The following WWC2 variants were observed in gnomAD, a reference collection of about 807,000 sequenced individuals.
WWC2 encodes the protein WW and C2 domain containing 2.
Under a neutral mutation model 138.5 loss-of-function variants are expected in WWC2, and 101 were observed. That is an observed-to-expected ratio of 0.73 (90% CI 0.62 to 0.86). WWC2 has a LOEUF of 0.86. WWC2 is among the 40% of genes least tolerant of loss of function. WWC2 has a pLI of 0.00. For missense variants in WWC2, 1,420 were observed against 1,419.4 expected (o/e 1.00, Z -0.01); for synonymous variants, 558 against 538.4 (o/e 1.04, Z -0.50).
rs1467405415 is a variant in WWC2 at position 183,282,861 on chromosome 4, T to C, written c.2838T>C (p.Cys946=). ...ACGGGAACAGGAAAGAAAGCAACTG[T>C]GCCAAAGACCTCAGAAGTCAGCCAC... ...NEDGNRKESN[C]AKDLRSQPPT... is the part of the protein sequence containing the mutation. Residue 946 remains cysteine, a synonymous_variant, in exon 18 of 23, where the codon TGT becomes TGC. Coordinates refer to ENST00000403733, the MANE Select transcript of WWC2 (RefSeq NM_024949.6). The C allele has an allele frequency of 1.3e-6, 2 of 1,592,064 alleles. No individual in the cohort carries two copies. Among genetic ancestry groups the C allele is most frequent in the Non-Finnish European group, 8.6e-7 (1 of 1,168,832 alleles).
intron 6 of WWC2, among the ~76,000 whole-genome samples, chr4:183,246,665 A>G (rs1201747439): frequency 6.6e-6 from 1 of 152,232 alleles, no homozygotes; most frequent in Non-Finnish European, 1.5e-5. Flanking sequence ...CAGACGAGGA[A>G]ATTTCAGCAC....
Position 183,269,014 on chromosome 4 carries a change from T to A in WWC2, c.2251T>A (p.Cys751Ser), listed in dbSNP as rs1312725142. ...TCTTCCTTCCTCAACTGATGTCAGC[T>A]GTCTGTTTCGCACAAAAGTTCATCC... is the stretch of plus-strand genomic sequence containing the variant. ...AVLPSSTDVS[C>S]LFRTKVHPPT... is the part of the protein sequence containing the mutation. The change falls in exon 15 of 23, where the codon TGT (cysteine) becomes AGT (serine). Residue 751 changes from cysteine (C) to serine (S), a missense_variant. Physicochemically the swap from Cys to Ser is moderately radical, Grantham distance 112. Coordinates refer to ENST00000403733, the MANE Select transcript of WWC2 (RefSeq NM_024949.6). 3 of 1,613,812 alleles carry A rather than the reference T, an allele frequency of 1.9e-6. No homozygotes were observed. In the East Asian group the frequency reaches 6.7e-5, roughly 36 times the overall value.
At chr4:183,300,833 G>A (rs73006721) in intron 21 of WWC2, among the ~76,000 whole-genome samples, 14,332 of 151,990 alleles carry the variant, frequency 0.094, 767 homozygotes, top group South Asian at 0.17. Context: ...AACATCAGCA[G>A]CCATTACACT....
At chr4:183,295,471 C>A (rs1560891873) in intron 21 of WWC2, among the ~76,000 whole-genome samples, 1 of 152,212 alleles carries the variant, frequency 6.6e-6, no homozygotes, top group African/African-American at 2.4e-5. Context: ...CTGTCTGTGG[C>A]CTTAGCGTAG....
At chr4:183,157,725 T>C (rs1243360269) in intron 1 of WWC2, among the ~76,000 whole-genome samples, 2 of 152,024 alleles carry the variant, frequency 1.3e-5, no homozygotes, top group Admixed American at 6.6e-5. Flanking sequence ...ATGGTCTGGA[T>C]CTCCTGACCT....
intron 4 of WWC2, among the ~76,000 whole-genome samples, chr4:183,215,128 A>G (rs1735719775): frequency 6.6e-6 from 1 of 152,230 alleles, no homozygotes; most frequent in Non-Finnish European, 1.5e-5. Flanking sequence ...CTATACAGCC[A>G]TACCTGTGAT....
chr4:183,296,411 C>T (rs1198555082), intron 21 of WWC2, among the ~76,000 whole-genome samples: 1 of 152,166 alleles, frequency 6.6e-6, no homozygotes. Flanking sequence ...TTGAGAGAGC[C>T]AAGATCTCCT....
intron 1 of WWC2, among the ~76,000 whole-genome samples, chr4:183,182,808 A>G (rs1734674947): frequency 6.6e-6 from 1 of 152,244 alleles, no homozygotes; most frequent in South Asian, 2.1e-4. Context: ...TGTATCAACT[A>G]ACACCTTAAT....
chr4:183,135,440 A>G (rs1333067326), intron 1 of WWC2, among the ~76,000 whole-genome samples: 3 of 151,474 alleles, frequency 2.0e-5, no homozygotes, highest in Non-Finnish European at 2.9e-5. Flanking sequence ...TTCTGATTCT[A>G]TTAATAATTA....
rs370920656 is a variant in WWC2, at chr4:183,272,625, A to AC, written c.2562+1386dup. On this transcript the variant is annotated intron_variant, in intron 16 of 22. Transcript: ENST00000403733. Reference sequence around the variant, plus strand: ...CTCCCTAACCTCTTTCCCCAAGGCAACCACTAATCTCTACTACAAGGCAAC... The same window carrying AC: ...CTCCCTAACCTCTTTCCCCAAGGCAACCCACTAATCTCTACTACAAGGCAAC... 5.1e-3 allele frequency among the ~76,000 whole-genome samples: 784 copies of AC among 152,242 alleles called. 5 individuals carry two copies. The highest frequency in any genetic ancestry group is 0.018 in the African/African-American group (752 of 41,536).
At chr4:183,152,530 TAAAA>T (rs572757609) in intron 1 of WWC2, among the ~76,000 whole-genome samples, 2 of 126,254 alleles carry the variant, frequency 1.6e-5, no homozygotes, top group African/African-American at 3.0e-5. Context: ...AAGTGAAACT[TAAAA>T]AAAAAAAAAA....
chr4:183,293,665 A>G (rs1056922977), intron 21 of WWC2, among the ~76,000 whole-genome samples: 7 of 152,350 alleles, frequency 4.6e-5, no homozygotes, highest in East Asian at 3.8e-4. Flanking sequence ...TAAAGCTGCC[A>G]TTATCTACAG....
intron 21 of WWC2, among the ~76,000 whole-genome samples, chr4:183,302,517 C>T (rs977847560): frequency 1.3e-5 from 2 of 152,126 alleles, no homozygotes; most frequent in African/African-American, 2.4e-5. Flanking sequence ...ATGTCGACGT[C>T]GATCTCTCTC....
chr4:183,176,225 A>ATT (rs1734463872), intron 1 of WWC2, among the ~76,000 whole-genome samples: 1 of 152,174 alleles, frequency 6.6e-6, no homozygotes, highest in Non-Finnish European at 1.5e-5. Context: ...ATTCAATCGT[A>ATT]TGTTTAAATA....
At chr4:183,100,289 A>G (rs1192256077) in intron 1 of WWC2, among the ~76,000 whole-genome samples, 2 of 152,252 alleles carry the variant, frequency 1.3e-5, no homozygotes, top group East Asian at 3.8e-4. Context: ...TGTGTTTGGA[A>G]GGGAGATGTA....
chr4:183,178,640 C>T (rs1246638068), intron 1 of WWC2, among the ~76,000 whole-genome samples: 1 of 151,876 alleles, frequency 6.6e-6, no homozygotes, highest in Non-Finnish European at 1.5e-5. Flanking sequence ...GATACTTCCC[C>T]ACAAGCTATT....
chr4:183,309,477 T>C (rs10003798), intron 21 of WWC2, among the ~76,000 whole-genome samples: 41,129 of 152,100 alleles, frequency 0.27, 6,061 homozygotes, highest in Middle Eastern at 0.44. Context: ...TGAAAAGATA[T>C]TTAACATCGT....
chr4:183,136,335 G>A (rs558765427), intron 1 of WWC2, among the ~76,000 whole-genome samples: 5 of 151,994 alleles, frequency 3.3e-5, no homozygotes, highest in African/African-American at 4.8e-5. Context: ...CTTCAGTTGC[G>A]ACTTTCACTT....
At chr4:183,123,402 G>GTGT (rs150641658) in intron 1 of WWC2, among the ~76,000 whole-genome samples, 1 of 147,604 alleles carries the variant, frequency 6.8e-6, no homozygotes, top group African/African-American at 2.5e-5. Context: ...GCAAGTTTCA[G>GTGT]GTGTGTGTGT....
Sources: gnomAD v4.1 joint callset for allele counts (sites outside exome capture counted in the v4.1 genomes callset) on GRCh38, gnomAD v4.1.1 for gene constraint, MANE v1.5 for transcripts, NCBI Gene and HGNC (gene_info 2026-07-23, HGNC 2026-07-21) for gene names.